Variants in GRID1 observed in about 807,000 individuals in gnomAD.
GRID1 encodes glutamate ionotropic receptor delta type subunit 1, also known as glutamate receptor ionotropic, delta-1.
Under a neutral mutation model 98.0 loss-of-function variants are expected in GRID1, and 28 were observed. The observed-to-expected ratio is 0.29, with a 90% CI of 0.21 to 0.39. The LOEUF is 0.39. Among genes scored for constraint, GRID1 ranks in the 10% least tolerant of loss-of-function variants. GRID1 has a pLI of 1.00. For synonymous variants in GRID1, 553 were observed against 538.5 expected (o/e 1.03, Z -0.37); for missense variants, 1,111 against 1,340.5 (o/e 0.83, Z 2.67).
At chr10:86,311,737 T>C (rs1401460005) in intron 2 of GRID1, among the ~76,000 whole-genome samples, 1 of 152,238 alleles carries the variant, frequency 6.6e-6, no homozygotes, top group Non-Finnish European at 1.5e-5. Context: ...GGCTCACGCC[T>C]GTAATTCCAG....
At chr10:86,204,453 G>A (rs1284272393) in intron 3 of GRID1, among the ~76,000 whole-genome samples, 1 of 152,252 alleles carries the variant, frequency 6.6e-6, no homozygotes, top group African/African-American at 2.4e-5. Flanking sequence ...GGCAGGACGA[G>A]CATGTCTGCG....
At chr10:85,873,808 C>G (rs1315403569) in intron 5 of GRID1, among the ~76,000 whole-genome samples, 2 of 152,224 alleles carry the variant, frequency 1.3e-5, no homozygotes, top group African/African-American at 4.8e-5. Flanking sequence ...AATAAAATTA[C>G]AAAACTCCAG....
chr10:85,988,663 G>A (rs1180479696), intron 4 of GRID1, among the ~76,000 whole-genome samples: 3 of 152,138 alleles, frequency 2.0e-5, no homozygotes, highest in Non-Finnish European at 2.9e-5. Flanking sequence ...TTCTGTCCCC[G>A]GGGTGGCTGA....
chr10:86,267,109 C>T (rs1423625336), intron 2 of GRID1, among the ~76,000 whole-genome samples: 1 of 152,208 alleles, frequency 6.6e-6, no homozygotes, highest in Non-Finnish European at 1.5e-5. Context: ...AGCAGACAGC[C>T]ACAAACATGT....
At chr10:85,985,925 A>G (rs568673951) in intron 4 of GRID1, among the ~76,000 whole-genome samples, 35 of 152,340 alleles carry the variant, frequency 2.3e-4, no homozygotes, top group Middle Eastern at 3.4e-3. Flanking sequence ...AATTTGGAAT[A>G]TGTGGTTTCA....
chr10:85,891,787 G>C (rs952757468), intron 5 of GRID1, among the ~76,000 whole-genome samples: 2 of 152,054 alleles, frequency 1.3e-5, no homozygotes, highest in African/African-American at 2.4e-5. Flanking sequence ...AATGAATCAA[G>C]CACCCAACCA....
At chr10:85,956,769 C>T (rs1842200192) in intron 4 of GRID1, among the ~76,000 whole-genome samples, 1 of 152,132 alleles carries the variant, frequency 6.6e-6, no homozygotes, top group Non-Finnish European at 1.5e-5. Flanking sequence ...TGAAATGGAT[C>T]CAGCAAGAAC....
intron 4 of GRID1, among the ~76,000 whole-genome samples, chr10:86,136,460 T>C (rs1844926229): frequency 6.6e-6 from 1 of 152,220 alleles, no homozygotes; most frequent in African/African-American, 2.4e-5. Flanking sequence ...AGAGGGGCTC[T>C]GGAGGGAGTA....
At chr10:85,807,373 A>G (rs571572208) in intron 8 of GRID1, among the ~76,000 whole-genome samples, 2 of 152,120 alleles carry the variant, frequency 1.3e-5, no homozygotes, top group South Asian at 4.1e-4. Flanking sequence ...AAAAAAGGAA[A>G]GAAAAAGAAT....
intron 2 of GRID1, among the ~76,000 whole-genome samples, chr10:86,243,486 T>C (rs1846670116): frequency 6.6e-6 from 1 of 152,126 alleles, no homozygotes. Context: ...CAGCTCCTCA[T>C]AACCACCCTG....
intron 12 of GRID1, among the ~76,000 whole-genome samples, chr10:85,705,642 G>C (rs1841507274): frequency 6.6e-6 from 1 of 152,148 alleles, no homozygotes; most frequent in African/African-American, 2.4e-5. Context: ...AAGCCTGGTA[G>C]AGAAACAACA....
At chr10:86,134,931 C>T (rs187632641) in intron 4 of GRID1, among the ~76,000 whole-genome samples, 118 of 152,346 alleles carry the variant, frequency 7.7e-4, no homozygotes, top group African/African-American at 1.8e-3. Flanking sequence ...CCCCACCAAG[C>T]TGGGAGCCCT....
At chr10:85,767,594 T>A (rs902872439) in intron 8 of GRID1, among the ~76,000 whole-genome samples, 2 of 152,160 alleles carry the variant, frequency 1.3e-5, no homozygotes, top group African/African-American at 4.8e-5. Context: ...TGTTAATCAT[T>A]CCATGGGCAA....
intron 5 of GRID1, among the ~76,000 whole-genome samples, chr10:85,890,162 G>A (rs1015753785): frequency 6.6e-6 from 1 of 151,812 alleles, no homozygotes; most frequent in African/African-American, 2.4e-5. Context: ...AGCCATTGTG[G>A]TTTTGATTTG....
intron 4 of GRID1, among the ~76,000 whole-genome samples, chr10:85,976,465 G>A (rs566922036): frequency 6.6e-6 from 1 of 152,340 alleles, no homozygotes; most frequent in Non-Finnish European, 1.5e-5. Flanking sequence ...CTCTCCAGAG[G>A]ATGGCACCTC....
At chr10:86,188,151 T>C (rs1845752069) in intron 3 of GRID1, among the ~76,000 whole-genome samples, 2 of 152,232 alleles carry the variant, frequency 1.3e-5, no homozygotes, top group Non-Finnish European at 2.9e-5. Flanking sequence ...TGCAGCAAGT[T>C]GGGCACTAGT....
intron 8 of GRID1, among the ~76,000 whole-genome samples, chr10:85,830,277 C>T (rs1305136264): frequency 6.6e-6 from 1 of 152,016 alleles, no homozygotes; most frequent in South Asian, 2.1e-4. Context: ...TGAAACTGGA[C>T]CCCTTCCTTA....
intron 15 of GRID1, among the ~76,000 whole-genome samples, chr10:85,612,852 C>T (rs1457097399): frequency 2.0e-5 from 3 of 151,968 alleles, no homozygotes; most frequent in East Asian, 1.9e-4. Context: ...GCCCAGAACC[C>T]GGAGTGTGGA....
chr10:85,821,544 A>G (rs1842772717), intron 8 of GRID1, among the ~76,000 whole-genome samples: 2 of 148,134 alleles, frequency 1.4e-5, no homozygotes, highest in East Asian at 2.0e-4. Context: ...AAAAAAAAAA[A>G]AGAAAACAGA....
Sources: gnomAD v4.1 joint callset for allele counts (sites outside exome capture counted in the v4.1 genomes callset) on GRCh38, gnomAD v4.1.1 for gene constraint, MANE v1.5 for transcripts, NCBI Gene and HGNC (gene_info 2026-07-23, HGNC 2026-07-21) for gene names.